CDC40: variants seen among roughly 807,000 people sequenced by gnomAD.
CDC40 encodes the protein pre-mRNA-processing factor 17.
A neutral mutation model predicts 80.6 loss-of-function variants in CDC40; 27 were observed. That is an observed-to-expected ratio of 0.33 (90% CI 0.25 to 0.46). The LOEUF (loss-of-function observed/expected upper bound fraction) is 0.46. Among genes scored for constraint, CDC40 ranks in the 20% least tolerant of loss-of-function variants. CDC40 has a pLI of 1.00. For missense variants in CDC40, 486 were observed against 694.1 expected (o/e 0.70, Z 3.37); for synonymous variants, 221 against 232.6 (o/e 0.95, Z 0.45).
At position 110,215,270 on chromosome 6, in the gene CDC40, T is replaced by G; in HGVS notation, c.943-16T>G. On this transcript the variant is annotated splice_polypyrimidine_tract_variant and intron_variant, in intron 8 of 14. Coordinates refer to ENST00000307731, the MANE Select transcript of CDC40 (RefSeq NM_015891.3). ...TAAATGTAATATTTCCATGTGTTGT[T>G]TTTTTTCTCCCCCAGCTATGGGAGG... The G allele has an allele frequency of 6.2e-7, 1 of 1,609,540 alleles. No individual in the cohort carries two copies. The highest frequency in any genetic ancestry group is 8.5e-7 in the Non-Finnish European group (1 of 1,175,864).
chr6:110,184,965 T>C (rs999673011), intron 1 of CDC40, among the ~76,000 whole-genome samples: 4 of 152,228 alleles, frequency 2.6e-5, no homozygotes, highest in African/African-American at 9.6e-5. Flanking sequence ...TCAGTAATGA[T>C]ACAGAATATG....
chr6:110,182,791 A>T (rs1777216398), intron 1 of CDC40, among the ~76,000 whole-genome samples: 1 of 152,148 alleles, frequency 6.6e-6, no homozygotes, highest in Non-Finnish European at 1.5e-5. Context: ...TTCTCTTCAG[A>T]CAGTTGTAGC....
At chr6:110,210,682 A>T in intron 5 of CDC40, 25 bp from the exon 6 acceptor site, 1 of 1,390,746 alleles carries the variant, frequency 7.2e-7, no homozygotes, top group Non-Finnish European at 9.7e-7. Flanking sequence ...CATTCATTTT[A>T]AATTTCACTC....
Position 110,180,587 on chromosome 6 carries a change from C to G in CDC40, c.143C>G (p.Pro48Arg). 1 of 1,614,178 alleles carries G rather than the reference C, an allele frequency of 6.2e-7. No individual in the cohort carries two copies. The highest frequency in any genetic ancestry group is 8.5e-7 in the Non-Finnish European group (1 of 1,180,002). ...TTGACTAAATCGCCTTCATCAAAGC[C>G]GTCTCTAGCAGTGGCAGTGGACTCG... ...MHLTKSPSSK[P>R]SLAVAVDSAP... is the part of the protein sequence containing the mutation. The change falls in exon 1 of 15, where the codon CCG (proline) becomes CGG (arginine). Residue 48 changes from proline (P) to arginine (R), a missense_variant. Around this residue, in one of 3 missense-constraint regions of CDC40, gnomAD observed 381 missense variants for 492.1 expected, o/e 0.77. Transcript: ENST00000307731.
At position 110,209,075 on chromosome 6, in the gene CDC40, T is replaced by TTTATTTTTTTTTA; in HGVS notation, c.491-8_491-7insTATTTTTTTTTAT. ...AGTTTTTTTTTTAATTTTTTTTTTG[T>TTTATTTTTTTTTA]TAACGTAGGTTTAACTGTATTTGAA... On this transcript the variant is annotated splice_polypyrimidine_tract_variant and intron_variant, in intron 4 of 14. Coordinates refer to ENST00000307731, the MANE Select transcript of CDC40 (RefSeq NM_015891.3). 1 of 1,474,014 alleles carries TTTATTTTTTTTTA rather than the reference T, an allele frequency of 6.8e-7. No individual in the cohort carries two copies. Among genetic ancestry groups the TTTATTTTTTTTTA allele is most frequent in the Non-Finnish European group, 9.2e-7 (1 of 1,084,812 alleles). The allele number at this position is 1,474,014 out of a possible 1,614,324, so 91.3% of individuals were successfully genotyped here.
At chr6:110,222,148 G>A (rs149012140) in intron 12 of CDC40, among the ~76,000 whole-genome samples, 18,549 of 151,998 alleles carry the variant, frequency 0.12, 1,159 homozygotes, top group South Asian at 0.19. Context: ...CCAGCTACTC[G>A]GGAGGCTGAG....
intron 12 of CDC40, among the ~76,000 whole-genome samples, chr6:110,223,578 T>C (rs1204198122): frequency 6.6e-6 from 1 of 152,164 alleles, no homozygotes; most frequent in Non-Finnish European, 1.5e-5. Context: ...AGGGAGGCCC[T>C]GACCTCCTCA....
chr6:110,226,859 A>G (rs1428968740), intron 13 of CDC40, among the ~76,000 whole-genome samples: 1 of 152,160 alleles, frequency 6.6e-6, no homozygotes, highest in Non-Finnish European at 1.5e-5. Context: ...TCTACAAAAT[A>G]AAATTTTAAA....
At chr6:110,200,606 T>G (rs1777482561) in intron 2 of CDC40, among the ~76,000 whole-genome samples, 1 of 152,200 alleles carries the variant, frequency 6.6e-6, no homozygotes, top group Non-Finnish European at 1.5e-5. Flanking sequence ...TGGTAATTTT[T>G]TACTCAATTT....
At chr6:110,219,561 A>G (rs1777742081) in intron 11 of CDC40, 82 bp downstream of exon 11, 8 of 1,084,360 alleles carry the variant, frequency 7.4e-6, no homozygotes. Flanking sequence ...AGCTAATATT[A>G]CTCATTTAAT....
chr6:110,225,289 T>C (rs983022331), intron 12 of CDC40, among the ~76,000 whole-genome samples: 1 of 152,154 alleles, frequency 6.6e-6, no homozygotes, highest in Non-Finnish European at 1.5e-5. Flanking sequence ...AAAAAAAATA[T>C]TTCTGGTCTC....
chr6:110,204,659 CT>C (rs55895216), intron 3 of CDC40, among the ~76,000 whole-genome samples: 171 of 119,266 alleles, frequency 1.4e-3, no homozygotes, highest in South Asian at 2.7e-3. Flanking sequence ...TCCTATTTCT[CT>C]TTTTTTTTTT....
At position 110,228,873 on chromosome 6, in the gene CDC40, AT is replaced by A; in HGVS notation, c.1464del (p.Phe488LeufsTer9). 1 of 1,600,014 alleles carries A rather than the reference AT, an allele frequency of 6.2e-7. No homozygotes were observed. Among genetic ancestry groups the A allele is most frequent in the Non-Finnish European group, 8.5e-7 (1 of 1,175,994 alleles). On this transcript the variant is annotated frameshift_variant, in exon 14 of 15. Coordinates refer to ENST00000307731, the MANE Select transcript of CDC40 (RefSeq NM_015891.3). LOFTEE classifies it high-confidence loss of function. ...CCAATCAATGGACAACCAAATCTTA[AT>A]TTTTGGAGCACAGAACAGATTTAGA... Reference protein sequence around the residue: ...ACQSMDNQILIFGAQNRFRLN... With the variant: ...ACQSMDNQILXFGAQNRFRLN...
intron 1 of CDC40, among the ~76,000 whole-genome samples, chr6:110,192,157 A>T (rs938368575): frequency 6.6e-6 from 1 of 152,166 alleles, no homozygotes; most frequent in African/African-American, 2.4e-5. Flanking sequence ...TGAAAGAATC[A>T]TACTATCTCC....
intron 2 of CDC40, among the ~76,000 whole-genome samples, chr6:110,196,573 A>G (rs1181303657): frequency 6.6e-6 from 1 of 152,190 alleles, no homozygotes; most frequent in Non-Finnish European, 1.5e-5. Flanking sequence ...ACTTCAGAAT[A>G]GAAAAAATAT....
intron 2 of CDC40, among the ~76,000 whole-genome samples, chr6:110,195,262 C>A (rs879056891): frequency 6.6e-6 from 1 of 151,958 alleles, no homozygotes; most frequent in Admixed American, 6.6e-5. Flanking sequence ...AGATATAATC[C>A]CTCTCCTCAA....
intron 5 of CDC40, 74 bp from the exon 6 acceptor site, chr6:110,210,633 G>T: frequency 4.1e-5 from 21 of 518,184 alleles, no homozygotes; most frequent in East Asian, 1.1e-4. Context: ...TCATTATAAA[G>T]AATTTATAAC....
chr6:110,209,808 T>G (rs1172507221), intron 5 of CDC40, among the ~76,000 whole-genome samples: 2 of 152,196 alleles, frequency 1.3e-5, no homozygotes, highest in Non-Finnish European at 2.9e-5. Flanking sequence ...TAGCTGTTAC[T>G]TACATCCAGT....
At chr6:110,190,274 G>T (rs1327162382) in intron 1 of CDC40, among the ~76,000 whole-genome samples, 2 of 152,170 alleles carry the variant, frequency 1.3e-5, no homozygotes, top group African/African-American at 4.8e-5. Context: ...GTACAAGGCG[G>T]TAACATTGCC....
Sources: gnomAD v4.1 joint callset for allele counts (sites outside exome capture counted in the v4.1 genomes callset) on GRCh38, gnomAD v4.1.1 for gene constraint, gnomAD v4.1.1 regional missense constraint, MANE v1.5 for transcripts, NCBI Gene and HGNC (gene_info 2026-07-23, HGNC 2026-07-21) for gene names.